DEF6: variants seen among roughly 807,000 people sequenced by gnomAD.
DEF6 encodes the protein differentially expressed in FDCP 6 homolog.
Under a neutral mutation model 80.5 loss-of-function variants are expected in DEF6, and 32 were observed. The observed-to-expected ratio is 0.40, with a 90% CI of 0.30 to 0.53. The LOEUF is 0.53. Among genes scored for constraint, DEF6 ranks in the 20% least tolerant of loss-of-function variants. The pLI, the probability that DEF6 is intolerant of heterozygous loss-of-function variation, is 0.57. For synonymous variants in DEF6, 300 were observed against 337.9 expected (o/e 0.89, Z 1.23); for missense variants, 575 against 818.7 (o/e 0.70, Z 3.63).
At chr6:35,303,180 G>C (rs957319899) in intron 1 of DEF6, among the ~76,000 whole-genome samples, 1 of 152,150 alleles carries the variant, frequency 6.6e-6, no homozygotes, top group African/African-American at 2.4e-5. Flanking sequence ...CTGACAGCAC[G>C]CGGGGGTCAG....
intron 9 of DEF6, 117 bp downstream of exon 9, chr6:35,320,134 C>T: frequency 1.9e-6 from 2 of 1,032,940 alleles, no homozygotes; most frequent in Non-Finnish European, 2.8e-6. Context: ...GGCTGTGTGA[C>T]TTTGGACAAA....
At chr6:35,310,422 A>G in intron 2 of DEF6, 37 bp from the exon 3 acceptor site, 1 of 1,607,224 alleles carries the variant, frequency 6.2e-7, no homozygotes, top group Non-Finnish European at 8.5e-7. Context: ...GGTAGAGCTG[A>G]GATATGCAGT....
intron 5 of DEF6, among the ~76,000 whole-genome samples, chr6:35,314,598 A>G (rs6907364): frequency 0.73 from 110,313 of 151,910 alleles, 41,494 homozygotes; most frequent in Non-Finnish European, 0.82. Flanking sequence ...TCTTTTGCCC[A>G]TTTTTAAACT....
Position 35,309,653 on chromosome 6 carries a change from A to G in DEF6, c.97-17A>G. On this transcript the variant is annotated splice_polypyrimidine_tract_variant and intron_variant, in intron 1 of 10. Transcript: ENST00000316637. ...TTGGGGTGCAGAAAGACACACTGCC[A>G]CTCTACTCTATCCCAGGTGCTGTCC... is the stretch of plus-strand genomic sequence containing the variant. 1 of 1,611,242 alleles carries G rather than the reference A, an allele frequency of 6.2e-7. No individual in the cohort carries two copies. Among genetic ancestry groups the G allele is most frequent in the Non-Finnish European group, 8.5e-7 (1 of 1,178,282 alleles).
In DEF6 at chr6:35,321,281, A is replaced by G; in HGVS notation, c.1767A>G (p.Gly589=). The part of the protein sequence containing the change: ...DSSLKRLTRW[G]SQGNRTPSPN... ...CCCTAAAGCGCCTGACCCGCTGGGG[A>G]TCCCAGGGCAACAGGACCCCCTCGC... is the stretch of plus-strand genomic sequence containing the variant. The change falls in exon 11 of 11, where the codon GGA becomes GGG. Residue 589 remains glycine, a synonymous_variant. Transcript: ENST00000316637. The G allele has an allele frequency of 3.1e-6, 5 of 1,613,618 alleles. No individual in the cohort carries two copies. The highest frequency in any genetic ancestry group is 4.2e-6 in the Non-Finnish European group (5 of 1,179,920).
At chr6:35,300,384 G>A (rs1791298213) in intron 1 of DEF6, among the ~76,000 whole-genome samples, 1 of 152,106 alleles carries the variant, frequency 6.6e-6, no homozygotes, top group South Asian at 2.1e-4. Flanking sequence ...CAAGAGACCT[G>A]CACTAGCCCA....
chr6:35,312,587 G>T lies in DEF6; in HGVS notation c.661-39G>T, dbSNP rs776341457. 2.1e-5 allele frequency: 34 copies of T among 1,614,062 alleles called. No homozygotes were observed. The highest frequency in any genetic ancestry group is 2.6e-5 in the Non-Finnish European group (31 of 1,180,020). On this transcript the variant is annotated intron_variant, in intron 4 of 10. Transcript: ENST00000316637. The surrounding 1 kb of genome is among the most constrained non-coding windows in gnomAD (Gnocchi z 6.6). ...GAAGCACACAAGGTGCAGGGCGAAGGGGGGCCTGGGAAGCCTCTGACGTAA... is the reference window on the plus strand; with the variant it reads ...GAAGCACACAAGGTGCAGGGCGAAGTGGGGCCTGGGAAGCCTCTGACGTAA...
intron 1 of DEF6, among the ~76,000 whole-genome samples, chr6:35,300,540 G>A (rs1582225750): frequency 6.6e-6 from 1 of 152,348 alleles, no homozygotes; most frequent in South Asian, 2.1e-4. Flanking sequence ...AGCCCAAGGA[G>A]TAGGGTTGTT....
intron 5 of DEF6, among the ~76,000 whole-genome samples, chr6:35,314,820 T>A (rs1791506521): frequency 1.5e-5 from 1 of 68,300 alleles, no homozygotes; most frequent in South Asian, 5.8e-4. Flanking sequence ...GCTTTTGAGG[T>A]CTTCCACAAA....
chr6:35,321,020 G>A (rs778639515), intron 10 of DEF6, 46 bp downstream of exon 10: 1 of 1,603,614 alleles, frequency 6.2e-7, no homozygotes, highest in Non-Finnish European at 8.5e-7. Flanking sequence ...CTGGGAGGGA[G>A]AAAGGAGGGA....
At chr6:35,310,327 C>A in intron 2 of DEF6, 132 bp from the exon 3 acceptor site, 1 of 880,582 alleles carries the variant, frequency 1.1e-6, no homozygotes. Flanking sequence ...GCTCAGGGAT[C>A]CCTTGAGTTA....
Position 35,318,327 on chromosome 6 carries a change from G to C in DEF6, c.1071G>C (p.Lys357Asn). The change falls in exon 7 of 11, where the codon AAG becomes AAC. Residue 357 changes from lysine (K) to asparagine (N), a missense_variant. Transcript: ENST00000316637. This position sits in a 1 kb window ranked among gnomAD's most constrained non-coding sequence, Gnocchi z 5.1. ...GGCTGCAGCAGCTGCAGGAGGAGAA[G>C]GAGCGGAAGCTGCAGGAGCTGGAGC... Reference protein sequence around the residue: ...LLRLQQLQEEKERKLQELELL... With the variant: ...LLRLQQLQEENERKLQELELL... 1 of 1,546,884 alleles carries C rather than the reference G, an allele frequency of 6.5e-7. No individual in the cohort carries two copies. The highest frequency in any genetic ancestry group is 8.7e-7 in the Non-Finnish European group (1 of 1,147,130).
intron 3 of DEF6, among the ~76,000 whole-genome samples, chr6:35,310,939 AT>A (rs1348588186): frequency 1.3e-5 from 2 of 152,204 alleles, no homozygotes; most frequent in African/African-American, 4.8e-5. Flanking sequence ...TAAATGCCAG[AT>A]ACATTACTGA....
rs1482037416 is a variant in DEF6, at chr6:35,318,995, C to T, written c.1215+524C>T. Among the ~76,000 whole-genome samples, 1 of 152,060 alleles carries T rather than the reference C, an allele frequency of 6.6e-6. No individual in the cohort carries two copies. Among genetic ancestry groups the T allele is most frequent in the Non-Finnish European group, 1.5e-5 (1 of 68,018 alleles). On this transcript the variant is annotated intron_variant, in intron 7 of 10. Transcript: ENST00000316637. The surrounding 1 kb of genome is among the most constrained non-coding windows in gnomAD (Gnocchi z 5.1). ...CTCTGCTTCTTACGAGCCCCGTGAT[C>T]CCAGGCAAGTTCATTTTACTGAGCC...
rs1208870445 is a variant in DEF6 at position 35,320,887 on chromosome 6, G to T, written c.1585G>T (p.Ala529Ser). Residue 529 changes from alanine to serine, a missense_variant, in exon 10 of 11, where the codon GCC (alanine) becomes TCC (serine). Ala to Ser is a moderately conservative substitution (Grantham distance 99). Coordinates refer to ENST00000316637, the MANE Select transcript of DEF6 (RefSeq NM_022047.4). ...RQRADEDVEA[A>S]QRKLRQASTN... is the part of the protein sequence containing the mutation. ...CCCACTGGCCCTGTCCCCACAGGCT[G>T]CCCAGAGAAAACTGCGCCAGGCCAG... 1 of 1,607,144 alleles carries T rather than the reference G, an allele frequency of 6.2e-7. No homozygotes were observed. Among genetic ancestry groups the T allele is most frequent in the Non-Finnish European group, 8.5e-7 (1 of 1,176,142 alleles).
At chr6:35,308,725 AATAAATAAAATAATAAAAT>A (rs1311963710) in intron 1 of DEF6, among the ~76,000 whole-genome samples, 2 of 143,656 alleles carry the variant, frequency 1.4e-5, no homozygotes, top group African/African-American at 5.2e-5. Context: ...AATAAAATAA[AATAAATAAAATAATAAAAT>A]AAAATAAAAT....
In DEF6 at chr6:35,319,814, G is replaced by A. The variant is rs776895909; in HGVS notation, c.1383-5G>A. 3.7e-6 allele frequency: 6 copies of A among 1,600,008 alleles called. No individual in the cohort carries two copies. The highest frequency in any genetic ancestry group is 2.3e-5 in the East Asian group (1 of 44,200). ...GAGGCTACACAGTACACACTCACCC[G>A]GCAGACTGCTGGAAGAGGAGGAAGA... On this transcript the variant is annotated splice_polypyrimidine_tract_variant and splice_region_variant and intron_variant, in intron 8 of 10. Coordinates refer to ENST00000316637, the MANE Select transcript of DEF6 (RefSeq NM_022047.4). This position sits in a 1 kb window ranked among gnomAD's most constrained non-coding sequence, Gnocchi z 4.5.
intron 1 of DEF6, among the ~76,000 whole-genome samples, chr6:35,307,364 G>A (rs75082934): frequency 2.0e-5 from 3 of 152,366 alleles, no homozygotes; most frequent in Admixed American, 6.5e-5. Flanking sequence ...GCGCCACTGC[G>A]CTCTAGCCTG....
At position 35,297,855 on chromosome 6, in the gene DEF6, C is replaced by G. The variant is rs1354305644; in HGVS notation, c.-2C>G. Reference sequence around the variant, plus strand: ...GCCCCCAGCCGGGCGGGCGCCTCAGCCATGGCCCTGCGCAAGGAACTGCTC... The same window carrying G: ...GCCCCCAGCCGGGCGGGCGCCTCAGGCATGGCCCTGCGCAAGGAACTGCTC... On this transcript the variant is annotated 5_prime_UTR_variant, in exon 1 of 11. Coordinates refer to ENST00000316637, the MANE Select transcript of DEF6 (RefSeq NM_022047.4). The G allele has an allele frequency of 1.3e-6, 2 of 1,595,482 alleles. No individual in the cohort carries two copies. Among genetic ancestry groups the G allele is most frequent in the African/African-American group, 2.7e-5 (2 of 74,812 alleles).
Sources: allele counts gnomAD v4.1 joint callset (sites outside exome capture counted in the v4.1 genomes callset), GRCh38; gene constraint gnomAD v4.1.1; non-coding constraint Gnocchi (gnomAD v3.1); transcripts MANE v1.5; gene names NCBI Gene and HGNC (gene_info 2026-07-23, HGNC 2026-07-21).